The following C3orf22 variants were observed in gnomAD, a reference collection of about 807,000 sequenced individuals.
C3orf22 encodes the protein chromosome 3 open reading frame 22.
Under a neutral mutation model 10.8 loss-of-function variants are expected in C3orf22, and 7 were observed. The ratio of observed to expected loss-of-function variants is 0.65; its 90% CI spans 0.37 to 1.22. The LOEUF (loss-of-function observed/expected upper bound fraction) is 1.22, where lower values mean the gene tolerates loss of function less well. C3orf22 is among the 50% of genes most tolerant of loss of function. C3orf22 has a pLI of 0.02. For synonymous variants in C3orf22, 79 were observed against 78.9 expected (o/e 1.00, Z 0.00); for missense variants, 173 against 177.0 (o/e 0.98, Z 0.13).
chr3:126,533,755 T>C (rs1324008709), intron 4 of C3orf22, among the ~76,000 whole-genome samples: 1 of 152,218 alleles, frequency 6.6e-6, no homozygotes, highest in African/African-American at 2.4e-5. Context: ...TGGGAAGTGT[T>C]CTCTCCTCTT....
At chr3:126,543,657 TGA>T (rs1325584769) in intron 4 of C3orf22, among the ~76,000 whole-genome samples, 4 of 151,990 alleles carry the variant, frequency 2.6e-5, no homozygotes, top group East Asian at 3.8e-4. Context: ...AGAGTGTGCA[TGA>T]GTGTGTGAGT....
chr3:126,557,014 C>CCCCA (rs1553710551), intron 1 of C3orf22, among the ~76,000 whole-genome samples: 16 of 151,640 alleles, frequency 1.1e-4, no homozygotes, highest in African/African-American at 3.1e-4. Context: ...ACACACAGAC[C>CCCCA]CACACAAACT....
At chr3:126,528,514 G>A (rs1404525175) in intron 5 of C3orf22, among the ~76,000 whole-genome samples, 2 of 152,196 alleles carry the variant, frequency 1.3e-5, no homozygotes, top group Admixed American at 6.5e-5. Context: ...AGCCCTGTGG[G>A]TTTAGAGATC....
rs1055693559 is a variant in C3orf22 at position 126,556,637 on chromosome 3, G to A, written c.-41+1990C>T. ...GGTTTCCCACCTCGCCTCACTGACT[G>A]CCGTTCCCACACACACACACACACA... is the stretch of plus-strand genomic sequence containing the variant. On this transcript the variant is annotated intron_variant, in intron 1 of 3. Transcript: ENST00000318225. Among the ~76,000 whole-genome samples, 6 of 99,284 alleles carry A rather than the reference G, an allele frequency of 6.0e-5. No individual in the cohort carries two copies. In the Admixed American group the frequency reaches 6.2e-4, roughly 10 times the overall value. 65.1% of individuals were successfully genotyped at this position (99,284 alleles called of 152,430 possible). A position where few individuals can be genotyped will look rare whatever the true frequency, so the allele number is the denominator to read the frequency against.
At chr3:126,552,616 C>T (rs1381560174) in intron 2 of C3orf22, among the ~76,000 whole-genome samples, 1 of 152,208 alleles carries the variant, frequency 6.6e-6, no homozygotes, top group African/African-American at 2.4e-5. Context: ...CCACCTCCCT[C>T]GAGCGTGGCT....
chr3:126,529,145 C>T (rs987345729), exon 5 of C3orf22: 30 of 381,016 alleles, frequency 7.9e-5, no homozygotes, highest in East Asian at 2.4e-4. Flanking sequence ...GCACAGGGCG[C>T]GAGCCCTGCT....
rs1207086566 is a variant in C3orf22, at chr3:126,549,750, AC to A, written c.*117del. ...TAGCTTTTTGGGGGGACCACAAACC[AC>A]TCCCGGTCTATGATGGCCATGAAGG... On this transcript the variant is annotated 3_prime_UTR_variant, in exon 4 of 4. Transcript: ENST00000318225. The A allele has an allele frequency of 1.3e-6, 2 of 1,505,052 alleles. No homozygotes were observed. The highest frequency in any genetic ancestry group is 1.8e-6 in the Non-Finnish European group (2 of 1,127,208). 93.2% of individuals were successfully genotyped at this position (1,505,052 alleles called of 1,614,324 possible). A position where few individuals can be genotyped will look rare whatever the true frequency, so the allele number is the denominator to read the frequency against.
At chr3:126,557,238 A>G (rs989251770) in intron 1 of C3orf22, among the ~76,000 whole-genome samples, 1 of 152,104 alleles carries the variant, frequency 6.6e-6, no homozygotes, top group Non-Finnish European at 1.5e-5. Flanking sequence ...GTGACCTGGG[A>G]GCTCCTCGCT....
intron 1 of C3orf22, among the ~76,000 whole-genome samples, chr3:126,558,208 A>C (rs1937398379): frequency 6.6e-6 from 1 of 152,200 alleles, no homozygotes; most frequent in African/African-American, 2.4e-5. Flanking sequence ...GCTCACCCCC[A>C]TAATTCAAGT....
At chr3:126,542,144 AG>A in intron 4 of C3orf22, 1 of 1,560,566 alleles carries the variant, frequency 6.4e-7, no homozygotes, top group Non-Finnish European at 8.6e-7. Context: ...CGCCTTCCAG[AG>A]GCGCTACGGT....
chr3:126,549,376 T>G (rs1368669493), downstream of C3orf22, among the ~76,000 whole-genome samples: 1 of 152,172 alleles, frequency 6.6e-6, no homozygotes, highest in Non-Finnish European at 1.5e-5. Flanking sequence ...ATCATTCAGA[T>G]CAGTCTATAA....
intron 4 of C3orf22, among the ~76,000 whole-genome samples, chr3:126,543,902 C>T (rs943536031): frequency 4.6e-5 from 7 of 152,168 alleles, no homozygotes; most frequent in Non-Finnish European, 8.8e-5. Context: ...CTGGTTTCCC[C>T]ATGAGGCCTC....
At chr3:126,539,823 CATACCACACACA>C (rs1936903167) in intron 4 of C3orf22, among the ~76,000 whole-genome samples, 1 of 98,014 alleles carries the variant, frequency 1.0e-5, no homozygotes. Context: ...CACAAACACA[CATACCACACACA>C]CACCACACAC....
chr3:126,552,933 C>A (rs576355570), intron 2 of C3orf22, among the ~76,000 whole-genome samples: 1 of 152,254 alleles, frequency 6.6e-6, no homozygotes, highest in South Asian at 2.1e-4. Context: ...TCGGGCTGCC[C>A]GTTATCCTGG....
At chr3:126,546,955 G>A (rs1162053480), downstream of C3orf22, among the ~76,000 whole-genome samples, 1 of 152,200 alleles carries the variant, frequency 6.6e-6, no homozygotes, top group African/African-American at 2.4e-5. Flanking sequence ...TGCTGCTTTT[G>A]TTCCACTGGT....
At chr3:126,553,262 G>A in intron 2 of C3orf22, 40 bp downstream of exon 2, 1 of 1,418,284 alleles carries the variant, frequency 7.1e-7, no homozygotes, top group Non-Finnish European at 1.0e-6. Context: ...GTGACCTGGG[G>A]GAGGCAGGGC....
chr3:126,534,675 GC>G (rs2107566232), intron 4 of C3orf22, among the ~76,000 whole-genome samples: 1 of 148,664 alleles, frequency 6.7e-6, no homozygotes, highest in African/African-American at 2.5e-5. Context: ...GCTGTCCTCA[GC>G]CGGGAGACAG....
intron 4 of C3orf22, among the ~76,000 whole-genome samples, chr3:126,544,265 G>A (rs1325146528): frequency 6.6e-6 from 1 of 152,132 alleles, no homozygotes; most frequent in South Asian, 2.1e-4. Flanking sequence ...TACCACCTCC[G>A]GACTGTCCAG....
In C3orf22 at chr3:126,542,398, C is replaced by A. The variant is rs368566139; in HGVS notation, c.286+7139G>T. 13 of 1,550,896 alleles carry A rather than the reference C, an allele frequency of 8.4e-6. No homozygotes were observed. In the African/African-American group the frequency reaches 1.1e-4, roughly 13 times the overall value. Reference sequence around the variant, plus strand: ...CGGCCTTCGTGCTGGGCCTGGCGGGCGCATCCGACCTGAGCTTCCCTGGGC... The same window carrying A: ...CGGCCTTCGTGCTGGGCCTGGCGGGAGCATCCGACCTGAGCTTCCCTGGGC... On this transcript the variant is annotated intron_variant and NMD_transcript_variant, in intron 4 of 5. Coordinates refer to the C3orf22 transcript ENST00000505070.
Sources: allele counts gnomAD v4.1 joint callset (sites outside exome capture counted in the v4.1 genomes callset), GRCh38; gene constraint gnomAD v4.1.1; transcripts MANE v1.5; gene names NCBI Gene and HGNC (gene_info 2026-07-23, HGNC 2026-07-21).